Variants in PSIP1 observed in about 807,000 individuals in gnomAD.
PSIP1 encodes PC4 and SRSF1 interacting protein 1, also known as PC4 and SFRS1-interacting protein.
In PSIP1, 19 loss-of-function variants were observed where a neutral mutation model predicts 74.7. The ratio of observed to expected loss-of-function variants is 0.25; its 90% confidence interval spans 0.18 to 0.37. The LOEUF is 0.37. PSIP1 is among the 10% of genes least tolerant of loss of function. The pLI, the probability that PSIP1 is intolerant of heterozygous loss-of-function variation, is 1.00. For synonymous variants in PSIP1, 222 were observed against 195.3 expected, an observed-to-expected ratio of 1.14 and a Z score of -1.14; for missense variants, 601 against 614.3, an observed-to-expected ratio of 0.98 and a Z score of 0.23.
chr9:15,498,948 A>T (rs2037207653), intron 3 of PSIP1, among the ~76,000 whole-genome samples: 5 of 152,222 alleles, frequency 3.3e-5, no homozygotes, highest in Admixed American at 3.3e-4. Context: ...ATTTCTAAAA[A>T]ATAGGAGTAA....
At position 15,469,003 on chromosome 9, in the gene PSIP1, A is replaced by C; in HGVS notation, c.1160T>G (p.Met387Arg). ...CTCTGTGTGTTTCTGAGCTTGTTGC[A>C]TTGTGACCTGAAGTGAAGCAAGTTC... ...LDELASLQVT[M>R]QQAQKHTEMI... is the part of the protein sequence containing the mutation. Residue 387 changes from methionine to arginine, a missense_variant, in exon 13 of 16, where the codon ATG (methionine) becomes AGG (arginine). Around this residue, in one of 2 missense-constraint regions of PSIP1, gnomAD observed 538 missense variants for 507.6 expected, o/e 1.06. Transcript: ENST00000380733. 6.2e-7 allele frequency: 1 copy of C among 1,614,006 alleles called. No individual in the cohort carries two copies. Among genetic ancestry groups the C allele is most frequent in the Non-Finnish European group, 8.5e-7 (1 of 1,179,968 alleles).
chr9:15,498,989 T>C (rs952614110), intron 3 of PSIP1, among the ~76,000 whole-genome samples: 1 of 152,180 alleles, frequency 6.6e-6, no homozygotes, highest in African/African-American at 2.4e-5. Flanking sequence ...TATTGTTTTT[T>C]AAAATTTTAA....
rs1028450046 is a variant in PSIP1, at chr9:15,472,947, C to T, written c.859-197G>A. 7.2e-5 allele frequency among the ~76,000 whole-genome samples: 11 copies of T among 152,160 alleles called. 1 individual carries two copies. The highest frequency in any genetic ancestry group is 2.7e-4 in the African/African-American group (11 of 41,442). ...TGATTAATGACCGTGAAATAATCATCTTGTTTTATGCCCTGCTATAGGAGT... is the reference window on the plus strand; with the variant it reads ...TGATTAATGACCGTGAAATAATCATTTTGTTTTATGCCCTGCTATAGGAGT... On this transcript the variant is annotated intron_variant, in intron 9 of 15. Coordinates refer to ENST00000380733, the MANE Select transcript of PSIP1 (RefSeq NM_033222.5).
At chr9:15,492,301 CA>C (rs1365003449) in intron 3 of PSIP1, 1 of 152,224 alleles carries the variant, frequency 6.6e-6, no homozygotes, top group Non-Finnish European at 1.5e-5. Flanking sequence ...ACACCCATCC[CA>C]AATGGGAGAA....
rs540342189 is a variant in PSIP1 at position 15,483,140 on chromosome 9, A to C, written c.456+2866T>G. On this transcript the variant is annotated intron_variant, in intron 6 of 15. Coordinates refer to ENST00000380733, the MANE Select transcript of PSIP1 (RefSeq NM_033222.5). Reference sequence around the variant, plus strand: ...CCGTTCTCCTTTGACCTCATCTATTACCCTATCTTCATGCCAGAGACTGCA... The same window carrying C: ...CCGTTCTCCTTTGACCTCATCTATTCCCCTATCTTCATGCCAGAGACTGCA... 2.0e-5 allele frequency among the ~76,000 whole-genome samples: 3 copies of C among 151,994 alleles called. No individual in the cohort carries two copies. In the South Asian group the frequency reaches 6.2e-4, roughly 32 times the overall value.
At chr9:15,466,682 A>G in intron 15 of PSIP1, 66 bp downstream of exon 15, 1 of 1,280,782 alleles carries the variant, frequency 7.8e-7, no homozygotes, top group African/African-American at 1.5e-5. Context: ...TAACCTTGGA[A>G]CAGAACTGTG....
chr9:15,488,962 A>G (rs942398666), intron 4 of PSIP1, among the ~76,000 whole-genome samples: 1 of 152,194 alleles, frequency 6.6e-6, no homozygotes, highest in Non-Finnish European at 1.5e-5. Context: ...CGGAGCTTAC[A>G]GTGAGCCAAG....
intron 3 of PSIP1, chr9:15,505,046 G>A (rs765457982): frequency 1.3e-5 from 2 of 151,068 alleles, no homozygotes; most frequent in Non-Finnish European, 2.9e-5. Context: ...TCAGGTGACG[G>A]TTCCACCTCA....
At chr9:15,472,538 C>T (rs1171179009) in intron 10 of PSIP1, 94 bp downstream of exon 10, 2 of 1,487,746 alleles carry the variant, frequency 1.3e-6, no homozygotes, top group East Asian at 2.5e-5. Context: ...CTTCAAAAGG[C>T]TTCATAAAGT....
rs377155524 is a variant in PSIP1 at position 15,469,887 on chromosome 9, A to C, written c.1033+51T>G. The C allele has an allele frequency of 1.1e-4, 155 of 1,463,202 alleles. No homozygotes were observed. In the African/African-American group the frequency reaches 1.8e-3, roughly 17 times the overall value. 90.6% of individuals were successfully genotyped at this position (1,463,202 alleles called of 1,614,324 possible). The stretch of plus-strand genomic sequence containing the variant: ...ATACATGAAAAGTTATGTCTATATA[A>C]CTTCTTTTCCATGTATAATTTTATG... On this transcript the variant is annotated intron_variant, in intron 11 of 15. Coordinates refer to ENST00000380733, the MANE Select transcript of PSIP1 (RefSeq NM_033222.5).
At chr9:15,472,984 G>A (rs1209000677) in intron 9 of PSIP1, among the ~76,000 whole-genome samples, 2 of 152,152 alleles carry the variant, frequency 1.3e-5, no homozygotes, top group East Asian at 1.9e-4. Context: ...ATGTCCTTTG[G>A]ATAAAATATA....
chr9:15,505,826 AC>A (rs796544743), intron 3 of PSIP1: 7 of 152,384 alleles, frequency 4.6e-5, no homozygotes, highest in African/African-American at 1.7e-4. Flanking sequence ...TCTTAGGAAT[AC>A]ATAATTCTAA....
intron 3 of PSIP1, chr9:15,506,107 G>A (rs572301839): frequency 4.6e-5 from 7 of 152,792 alleles, no homozygotes; most frequent in African/African-American, 1.7e-4. Flanking sequence ...CCCACCAGAG[G>A]CAGCAGAGCT....
intron 4 of PSIP1, among the ~76,000 whole-genome samples, chr9:15,488,139 G>C (rs1016181357): frequency 2.6e-5 from 4 of 151,242 alleles, no homozygotes; most frequent in African/African-American, 9.8e-5. Flanking sequence ...GACTGGCCTG[G>C]CCAAGATGGT....
intron 15 of PSIP1, among the ~76,000 whole-genome samples, chr9:15,466,280 G>A (rs2035620277): frequency 6.6e-6 from 1 of 151,888 alleles, no homozygotes; most frequent in African/African-American, 2.4e-5. Flanking sequence ...TTGGGAGGCT[G>A]AGGCAGGAGA....
At position 15,469,957 on chromosome 9, in the gene PSIP1, C is replaced by G; in HGVS notation, c.1014G>C (p.Lys338Asn). ...ACTAACCTCGCTTCTTCTCCACTTT[C>G]TTAACTTCTGGCTTCTTTCCTTCAT... ...NKDEGKKPEV[K>N]KVEKKRETSM... is the part of the protein sequence containing the mutation. Residue 338 changes from lysine to asparagine, a missense_variant, in exon 11 of 16, where the codon AAG becomes AAC. Transcript: ENST00000380733. The G allele has an allele frequency of 1.2e-6, 2 of 1,608,030 alleles. No homozygotes were observed. The highest frequency in any genetic ancestry group is 8.5e-7 in the Non-Finnish European group (1 of 1,178,122).
At chr9:15,483,067 C>T (rs1228635249) in intron 6 of PSIP1, among the ~76,000 whole-genome samples, 1 of 152,178 alleles carries the variant, frequency 6.6e-6, no homozygotes, top group Non-Finnish European at 1.5e-5. Context: ...CTTTCCCCCT[C>T]TCCATTATAT....
intron 4 of PSIP1, among the ~76,000 whole-genome samples, chr9:15,488,814 G>A (rs904396579): frequency 6.6e-6 from 1 of 151,786 alleles, no homozygotes; most frequent in African/African-American, 2.4e-5. Flanking sequence ...AAGGTCAGGA[G>A]ATCGAGACCA....
rs1469382768 is a variant in PSIP1, at chr9:15,464,793, CCA to C, written c.*725_*726del. Reference sequence around the variant, plus strand: ...AAGCCAGATTCATTCCTATATATACCCAGTCAGTTGTCTGCAAAGAAGTCCTA... The same window carrying C: ...AAGCCAGATTCATTCCTATATATACCGTCAGTTGTCTGCAAAGAAGTCCTA... On this transcript the variant is annotated 3_prime_UTR_variant, in exon 16 of 16. Transcript: ENST00000380733. The C allele has an allele frequency of 4.8e-6, 1 of 206,260 alleles. No individual in the cohort carries two copies. Among genetic ancestry groups the C allele is most frequent in the Non-Finnish European group, 9.9e-6 (1 of 101,072 alleles). 12.8% of individuals were successfully genotyped at this position (206,260 alleles called of 1,614,324 possible). A position where few individuals can be genotyped will look rare whatever the true frequency, so the allele number is the denominator to read the frequency against.
Sources: allele counts gnomAD v4.1 joint callset (sites outside exome capture counted in the v4.1 genomes callset), GRCh38; gene constraint gnomAD v4.1.1; regional missense constraint gnomAD v4.1.1; transcripts MANE v1.5; gene names NCBI Gene and HGNC (gene_info 2026-07-23, HGNC 2026-07-21).